Variants in SFXN5 observed in about 807,000 individuals in gnomAD.
SFXN5 encodes the protein sideroflexin-5.
A neutral mutation model predicts 50.2 loss-of-function variants in SFXN5; 43 were observed. The observed-to-expected ratio is 0.86, with a 90% CI of 0.67 to 1.11. The LOEUF is 1.11. Among genes scored for constraint, SFXN5 ranks in the 50% least tolerant of loss-of-function variants. The probability of loss-of-function intolerance (pLI) is 0.00; values close to 1 mark genes in which losing one functional copy is unlikely to be tolerated. For synonymous variants in SFXN5, 203 were observed against 185.8 expected, an observed-to-expected ratio of 1.09 and a Z score of -0.75; for missense variants, 463 against 454.1, an observed-to-expected ratio of 1.02 and a Z score of -0.18.
intron 6 of SFXN5, among the ~76,000 whole-genome samples, chr2:73,001,845 A>G (rs1477715566): frequency 2.0e-5 from 3 of 152,218 alleles, no homozygotes; most frequent in African/African-American, 7.2e-5. Flanking sequence ...GCATACACAC[A>G]TTATCTTCAA....
intron 9 of SFXN5, chr2:72,996,648 A>G (rs1574068169): frequency 6.6e-6 from 1 of 151,818 alleles, no homozygotes. Context: ...AGCTGGGACT[A>G]CAGGTGTGCA....
At chr2:73,027,495 A>C (rs1283384312) in intron 3 of SFXN5, among the ~76,000 whole-genome samples, 1 of 152,152 alleles carries the variant, frequency 6.6e-6, no homozygotes, top group Admixed American at 6.5e-5. Flanking sequence ...TTTTTTAAAT[A>C]AATTTAGTGC....
intron 13 of SFXN5, among the ~76,000 whole-genome samples, chr2:72,952,536 T>C (rs1672649772): frequency 6.6e-6 from 1 of 152,208 alleles, no homozygotes; most frequent in African/African-American, 2.4e-5. Context: ...GCAAGAATCC[T>C]GTCTTACACT....
At chr2:73,020,924 C>A (rs1287078535) in intron 5 of SFXN5, 1 of 152,328 alleles carries the variant, frequency 6.6e-6, no homozygotes, top group African/African-American at 2.4e-5. Flanking sequence ...AGCCTCCTGT[C>A]CCCAACCTCT....
intron 6 of SFXN5, among the ~76,000 whole-genome samples, chr2:73,015,945 GA>G (rs1301182708): frequency 0.019 from 1,865 of 100,758 alleles, 30 homozygotes; most frequent in African/African-American, 0.054. Context: ...CTCCAAAAAA[GA>G]AAAAAAAAAA....
In SFXN5 at chr2:72,968,383, G is replaced by A. The variant is rs141838485; in HGVS notation, c.827+65C>T. ...CCCTCATCTCTTGCCTGGGCCAGCC[G>A]GTTCCCCCTCCCTCTCCCCCTCCTC... On this transcript the variant is annotated intron_variant, in intron 12 of 13. Transcript: ENST00000272433. 6.7e-4 allele frequency: 1,000 copies of A among 1,488,008 alleles called. 6 individuals are homozygous for A. Among genetic ancestry groups the A allele is most frequent in the South Asian group, 4.8e-3 (403 of 83,884 alleles). The allele number at this position is 1,488,008 out of a possible 1,614,324, so 92.2% of individuals were successfully genotyped here.
chr2:73,007,054 T>G (rs541307675), intron 6 of SFXN5, among the ~76,000 whole-genome samples: 1 of 152,304 alleles, frequency 6.6e-6, no homozygotes, highest in South Asian at 2.1e-4. Flanking sequence ...GAGGTCTCAA[T>G]CTGGGAGAGA....
chr2:72,947,089 C>T (rs183060812), intron 13 of SFXN5, among the ~76,000 whole-genome samples: 24 of 152,314 alleles, frequency 1.6e-4, no homozygotes, highest in South Asian at 1.5e-3. Context: ...CCCTCCCCTA[C>T]GCTGGGCGTG....
chr2:73,015,735 T>C (rs1012214036), intron 6 of SFXN5, among the ~76,000 whole-genome samples: 1 of 152,160 alleles, frequency 6.6e-6, no homozygotes, highest in African/African-American at 2.4e-5. Context: ...TTGGTGCAAA[T>C]ATTTTAAACT....
rs1335531539 is a variant in SFXN5 at position 72,950,748 on chromosome 2, A to C, written c.946-5649T>G. On this transcript the variant is annotated intron_variant, in intron 13 of 13. Transcript: ENST00000272433. This position sits in a 1 kb window ranked among gnomAD's most constrained non-coding sequence, Gnocchi z 4.2. ...GTGAAAGTGACTCAGGTCTGAGCAAAGGCAATAAAGCATCTCTTCCTGCTG... is the reference window on the plus strand; with the variant it reads ...GTGAAAGTGACTCAGGTCTGAGCAACGGCAATAAAGCATCTCTTCCTGCTG... 6.6e-6 allele frequency among the ~76,000 whole-genome samples: 1 copy of C among 152,222 alleles called. No individual in the cohort carries two copies. The highest frequency in any genetic ancestry group is 1.5e-5 in the Non-Finnish European group (1 of 68,034).
intron 1 of SFXN5, among the ~76,000 whole-genome samples, chr2:73,061,340 A>G (rs1404775834): frequency 2.6e-5 from 4 of 151,644 alleles, no homozygotes; most frequent in Non-Finnish European, 5.9e-5. Context: ...ACATACTCTG[A>G]TGTATTAGGA....
chr2:72,948,690 G>C (rs1047470269), intron 13 of SFXN5, among the ~76,000 whole-genome samples: 4 of 152,218 alleles, frequency 2.6e-5, no homozygotes, highest in African/African-American at 9.7e-5. Flanking sequence ...TCTCCCATGG[G>C]CTCCCCGCCA....
intron 1 of SFXN5, chr2:73,058,882 T>G: frequency 5.0e-6 from 2 of 397,990 alleles, no homozygotes; most frequent in Non-Finnish European, 8.7e-6. Flanking sequence ...CTGAGATCTA[T>G]TCTGAGCCTA....
At chr2:73,003,357 A>G (rs931640603) in intron 6 of SFXN5, among the ~76,000 whole-genome samples, 1 of 152,132 alleles carries the variant, frequency 6.6e-6, no homozygotes. Flanking sequence ...CTGTACTTGG[A>G]CCACCAGGAA....
chr2:72,944,950 G>T lies in SFXN5; in HGVS notation c.*72C>A. 1.4e-6 allele frequency: 2 copies of T among 1,442,246 alleles called. No individual in the cohort carries two copies. Among genetic ancestry groups the T allele is most frequent in the Non-Finnish European group, 1.9e-6 (2 of 1,040,918 alleles). The allele number at this position is 1,442,246 out of a possible 1,614,324, so 89.3% of individuals were successfully genotyped here. A position where few individuals can be genotyped will look rare whatever the true frequency, so the allele number is the denominator to read the frequency against. ...TGGCGTGCTGCTCCCTGCAGGTGCA[G>T]CCGTGAGTCTACGGCCCTGCCCCTC... On this transcript the variant is annotated 3_prime_UTR_variant, in exon 14 of 14. Transcript: ENST00000272433.
At chr2:72,996,179 G>A (rs912561001) in intron 9 of SFXN5, among the ~76,000 whole-genome samples, 9 of 152,316 alleles carry the variant, frequency 5.9e-5, no homozygotes, top group African/African-American at 2.2e-4. Flanking sequence ...TCCAGGACTT[G>A]TGAGGAGGGA....
chr2:72,989,028 A>T, intron 9 of SFXN5, among the ~76,000 whole-genome samples: 1 of 152,052 alleles, frequency 6.6e-6, no homozygotes, highest in East Asian at 1.9e-4. Context: ...TCATCTTTCG[A>T]GAGCACAGGC....
chr2:72,971,026 T>C (rs1008277045), intron 11 of SFXN5, among the ~76,000 whole-genome samples: 8 of 152,156 alleles, frequency 5.3e-5, no homozygotes, highest in African/African-American at 1.7e-4. Flanking sequence ...CTAGAGTGGC[T>C]GAGCCTATGA....
Position 73,047,300 on chromosome 2 carries a change from A to T in SFXN5, c.172-6369T>A, listed in dbSNP as rs56387742. On this transcript the variant is annotated intron_variant, in intron 2 of 13. Coordinates refer to ENST00000272433, the MANE Select transcript of SFXN5 (RefSeq NM_144579.3). ...TACACACATATATATATATATATAAAATATATATGTGTGTGTATGTATATA... is the reference window on the plus strand; with the variant it reads ...TACACACATATATATATATATATAATATATATATGTGTGTGTATGTATATA... Among the ~76,000 whole-genome samples the T allele has an allele frequency of 1.5e-3, 158 of 103,766 alleles. 5 individuals carry two copies. The highest frequency in any genetic ancestry group is 0.012 in the East Asian group (41 of 3,286). 68.1% of individuals were successfully genotyped at this position (103,766 alleles called of 152,430 possible). A position where few individuals can be genotyped will look rare whatever the true frequency, so the allele number is the denominator to read the frequency against.
Sources: allele counts gnomAD v4.1 joint callset (sites outside exome capture counted in the v4.1 genomes callset), GRCh38; gene constraint gnomAD v4.1.1; non-coding constraint Gnocchi (gnomAD v3.1); transcripts MANE v1.5; gene names NCBI Gene and HGNC (gene_info 2026-07-23, HGNC 2026-07-21).